Variants in NLRP11 observed in about 807,000 individuals in gnomAD.
The protein encoded by NLRP11 is NACHT, LRR and PYD domains-containing protein 11.
A neutral mutation model predicts 79.3 loss-of-function variants in NLRP11; 53 were observed. The observed-to-expected ratio is 0.67, with a 90% CI of 0.54 to 0.84. NLRP11 has a LOEUF of 0.84. Among genes scored for constraint, NLRP11 ranks in the 40% least tolerant of loss-of-function variants. NLRP11 has a pLI of 0.00. For missense variants in NLRP11, 1,264 were observed against 1,255.0 expected (o/e 1.01, Z -0.11); for synonymous variants, 518 against 462.6 (o/e 1.12, Z -1.54).
chr19:55,795,735 G>T (rs1978774806), intron 6 of NLRP11, among the ~76,000 whole-genome samples: 1 of 152,004 alleles, frequency 6.6e-6, no homozygotes, highest in African/African-American at 2.4e-5. Context: ...TGATCCGCCT[G>T]CCTCGGCCTC....
chr19:55,823,178 T>G (rs962602363), intron 1 of NLRP11, among the ~76,000 whole-genome samples: 11 of 145,436 alleles, frequency 7.6e-5, no homozygotes, highest in Non-Finnish European at 1.6e-4. Flanking sequence ...GGCAGGGTAT[T>G]CCAACAGACC....
intron 5 of NLRP11, among the ~76,000 whole-genome samples, chr19:55,801,368 G>A (rs1291574449): frequency 6.6e-6 from 1 of 152,140 alleles, no homozygotes; most frequent in African/African-American, 2.4e-5. Context: ...GAGAAGCCAT[G>A]TTATATGAAA....
chr19:55,821,303 G>C (rs901852290), intron 1 of NLRP11, among the ~76,000 whole-genome samples: 1 of 151,546 alleles, frequency 6.6e-6, no homozygotes, highest in Admixed American at 6.6e-5. Context: ...CCTCGTGTGT[G>C]TTTTTTATCA....
At chr19:55,805,163 T>C (rs1375621598) in intron 4 of NLRP11, among the ~76,000 whole-genome samples, 1 of 152,074 alleles carries the variant, frequency 6.6e-6, no homozygotes, top group African/African-American at 2.4e-5. Context: ...CGGAAGAACA[T>C]TTCTCATTAC....
In NLRP11 at chr19:55,809,070, G is replaced by A. The variant is rs781657526; in HGVS notation, c.1540C>T (p.Gln514Ter). ...TTGAAGCTGTCTACCATCGGTAGCT[G>A]GTATCCAAAGGATGTCTCAAGAATC... The change falls in exon 3 of 10, where the codon CAG (glutamine) becomes TAG (stop). Residue 514 changes from glutamine to a stop codon, truncating the protein, a stop_gained. Coordinates refer to ENST00000589093, the Ensembl canonical transcript of NLRP11. LOFTEE classifies it high-confidence loss of function. This position sits in a 1 kb window ranked among gnomAD's most constrained non-coding sequence, Gnocchi z 4.5. 1.2e-6 allele frequency: 2 copies of A among 1,613,636 alleles called. No homozygotes were observed. The highest frequency in any genetic ancestry group is 1.7e-5 in the Admixed American group (1 of 60,014).
intron 1 of NLRP11, among the ~76,000 whole-genome samples, chr19:55,830,373 TA>T (rs1982633715): frequency 1.3e-5 from 2 of 152,274 alleles, no homozygotes; most frequent in African/African-American, 4.8e-5. Flanking sequence ...TCTAATAAAG[TA>T]GTTACCTTTA....
intron 1 of NLRP11, 50 bp from the exon 2 acceptor site, chr19:55,818,286 T>C (rs1981344352): frequency 2.5e-6 from 2 of 807,164 alleles, no homozygotes; most frequent in Non-Finnish European, 3.9e-6. Context: ...TAATGCCAAT[T>C]CATCCAAAGC....
Position 55,815,931 on chromosome 19 carries a change from G to A in NLRP11, c.271+1973C>T, listed in dbSNP as rs932862519. Reference sequence around the variant, plus strand: ...ATACTTGTGATTGCCATCAATAGTCGAGGTTATGAGCCTTGACTCCATAAA... The same window carrying A: ...ATACTTGTGATTGCCATCAATAGTCAAGGTTATGAGCCTTGACTCCATAAA... On this transcript the variant is annotated intron_variant, in intron 2 of 9. Transcript: ENST00000589093. Among the ~76,000 whole-genome samples, 4 of 148,354 alleles carry A rather than the reference G, an allele frequency of 2.7e-5. No individual in the cohort carries two copies. In the East Asian group the frequency reaches 7.9e-4, roughly 29 times the overall value.
Position 55,809,040 on chromosome 19 carries a change from AC to A in NLRP11, c.1569del (p.Trp523CysfsTer7). ...AAATGTTTCATGTATCCCACCGAGT[AC>A]CACTTGAAGCTGTCTACCATCGGTA... On this transcript the variant is annotated frameshift_variant, in exon 3 of 10. Coordinates refer to ENST00000589093, the Ensembl canonical transcript of NLRP11. LOFTEE classifies it high-confidence loss of function. This position sits in a 1 kb window ranked among gnomAD's most constrained non-coding sequence, Gnocchi z 4.5. 2.5e-6 allele frequency: 4 copies of A among 1,614,098 alleles called. No homozygotes were observed. Among genetic ancestry groups the A allele is most frequent in the Non-Finnish European group, 3.4e-6 (4 of 1,180,020 alleles).
At chr19:55,801,659 C>T (rs1345372210) in exon 5 of NLRP11, 3 of 1,613,832 alleles carry the variant, frequency 1.9e-6, no homozygotes, top group Non-Finnish European at 2.5e-6. Flanking sequence ...ACAGTTGATA[C>T]TCAGGTATGT....
Position 55,809,217 on chromosome 19 carries a change from C to T in NLRP11, c.1393G>A (p.Ala465Thr), listed in dbSNP as rs937380014. The stretch of plus-strand genomic sequence containing the variant: ...GAGGGGATCAGATAGTTGGGTACTG[C>T]CATCAGAAATGCAATGGCTGTACAA... The change falls in exon 3 of 10, where the codon GCA becomes ACA. Residue 465 changes from alanine to threonine, a missense_variant. Physicochemically the swap from Ala to Thr is moderately conservative, Grantham distance 58. Transcript: ENST00000589093. This position sits in a 1 kb window ranked among gnomAD's most constrained non-coding sequence, Gnocchi z 4.5. The T allele has an allele frequency of 2.5e-6, 4 of 1,613,674 alleles. No individual in the cohort carries two copies. The highest frequency in any genetic ancestry group is 1.3e-5 in the African/African-American group (1 of 74,902).
intron 5 of NLRP11, 123 bp from the exon 6 acceptor site, chr19:55,796,373 G>T: frequency 2.6e-6 from 2 of 783,538 alleles, no homozygotes; most frequent in South Asian, 1.9e-5. Flanking sequence ...GAAATAAATA[G>T]ATCCCTTTGC....
rs115026248 is a variant in NLRP11 at position 55,809,450 on chromosome 19, T to C, written c.1160A>G (p.Asn387Ser). 447 of 1,614,146 alleles carry C rather than the reference T, an allele frequency of 2.8e-4. 4 individuals are homozygous for C. The East Asian group carries it at 7.3e-3, about 26-fold the overall frequency. ...TTTTAGGAGACCTAGGTGATACTGATTGGCAGTAAGTCCAGCCTCTGATGT... is the reference window on the plus strand; with the variant it reads ...TTTTAGGAGACCTAGGTGATACTGACTGGCAGTAAGTCCAGCCTCTGATGT... Residue 387 changes from asparagine (N) to serine (S), a missense_variant, in exon 3 of 10, where the codon AAT becomes AGT. Transcript: ENST00000589093. This position sits in a 1 kb window ranked among gnomAD's most constrained non-coding sequence, Gnocchi z 4.5.
At chr19:55,785,418 C>G (rs1335734074) in exon 10 of NLRP11, 1 of 486,664 alleles carries the variant, frequency 2.1e-6, no homozygotes, top group African/African-American at 2.0e-5. Context: ...TGCATTTTAT[C>G]CTTTATTACT....
chr19:55,822,777 C>T (rs1251079375), intron 1 of NLRP11, among the ~76,000 whole-genome samples: 5 of 152,150 alleles, frequency 3.3e-5, no homozygotes, highest in Admixed American at 6.5e-5. Flanking sequence ...CACGGAGTCT[C>T]GCTGATTGCT....
intron 7 of NLRP11, among the ~76,000 whole-genome samples, chr19:55,789,833 A>G (rs1990129383): frequency 6.6e-6 from 1 of 152,214 alleles, no homozygotes; most frequent in South Asian, 2.1e-4. Flanking sequence ...TTCTATAAAG[A>G]GGATTTTACC....
chr19:55,813,171 T>C (rs1980772007), intron 2 of NLRP11, among the ~76,000 whole-genome samples: 1 of 151,922 alleles, frequency 6.6e-6, no homozygotes, highest in Non-Finnish European at 1.5e-5. Flanking sequence ...CTACTAAAAA[T>C]ACAAAAATTA....
At chr19:55,827,491 G>T (rs1982346374) in intron 1 of NLRP11, among the ~76,000 whole-genome samples, 1 of 150,382 alleles carries the variant, frequency 6.6e-6, no homozygotes, top group Non-Finnish European at 1.5e-5. Context: ...CTACAAAATG[G>T]GAGAAAATTT....
intron 1 of NLRP11, among the ~76,000 whole-genome samples, chr19:55,819,869 G>A (rs1254370955): frequency 6.6e-6 from 1 of 152,122 alleles, no homozygotes; most frequent in Non-Finnish European, 1.5e-5. Flanking sequence ...CTACCTGAAG[G>A]GAAGAAGTAG....
Sources: allele counts gnomAD v4.1 joint callset (sites outside exome capture counted in the v4.1 genomes callset), GRCh38; gene constraint gnomAD v4.1.1; non-coding constraint Gnocchi (gnomAD v3.1); transcripts MANE v1.5; gene names NCBI Gene and HGNC (gene_info 2026-07-23, HGNC 2026-07-21).